The following SLC2A9 variants were observed in gnomAD, a reference collection of about 807,000 sequenced individuals.
SLC2A9 encodes the protein solute carrier family 2 member 9.
In SLC2A9, 39 loss-of-function variants were observed where a neutral mutation model predicts 50.6. The observed-to-expected ratio is 0.77, with a 90% CI of 0.60 to 1.01. SLC2A9 has a LOEUF of 1.01. SLC2A9 is among the 50% of genes least tolerant of loss of function. The pLI is 0.00. For synonymous variants in SLC2A9, 324 were observed against 276.9 expected, an observed-to-expected ratio of 1.17 and a Z score of -1.69; for missense variants, 686 against 677.6, an observed-to-expected ratio of 1.01 and a Z score of -0.14.
chr4:9,848,774 G>A (rs1254465815), intron 10 of SLC2A9, among the ~76,000 whole-genome samples: 2 of 148,582 alleles, frequency 1.3e-5, no homozygotes, highest in South Asian at 2.1e-4. Context: ...GCACGATCTC[G>A]GCTCACTGCA....
At chr4:9,959,366 T>C (rs1751858870) in intron 5 of SLC2A9, among the ~76,000 whole-genome samples, 1 of 147,440 alleles carries the variant, frequency 6.8e-6, no homozygotes. Flanking sequence ...CACTGCACTC[T>C]AGCCTCGGAG....
chr4:9,974,942 G>C (rs1476389459), intron 5 of SLC2A9, among the ~76,000 whole-genome samples: 1 of 152,114 alleles, frequency 6.6e-6, no homozygotes, highest in Non-Finnish European at 1.5e-5. Context: ...GAACACAGAA[G>C]TAAAGCTGTA....
At position 10,028,546 on chromosome 4, in the gene SLC2A9, C is replaced by T. The variant is rs979156904; in HGVS notation, c.-40-2540G>A. Reference sequence around the variant, plus strand: ...TGCATCACAGGAAGGACAACATTATCCCTGCATAGAGACCAATAATAATGC... The same window carrying T: ...TGCATCACAGGAAGGACAACATTATTCCTGCATAGAGACCAATAATAATGC... On this transcript the variant is annotated intron_variant, in intron 1 of 12. Transcript: ENST00000309065. Among the ~76,000 whole-genome samples the T allele has an allele frequency of 2.0e-5, 3 of 150,014 alleles. 1 individual carries two copies. Among genetic ancestry groups the T allele is most frequent in the African/African-American group, 7.4e-5 (3 of 40,404 alleles).
In SLC2A9 at chr4:9,806,250, C is replaced by T. The variant is rs78600518; in HGVS notation, n.421-7009G>A. Among the ~76,000 whole-genome samples, 887 of 152,298 alleles carry T rather than the reference C, an allele frequency of 5.8e-3. 8 individuals carry two copies. Among genetic ancestry groups the T allele is most frequent in the African/African-American group, 0.02 (826 of 41,550 alleles). On this transcript the variant is annotated intron_variant and non_coding_transcript_variant, in intron 3 of 3. Coordinates refer to the SLC2A9 transcript ENST00000503280. ...CCCACACTGAAAGTTGTCGGTTTAC[C>T]GGAATGAGGTCAAGGAACACTTGGT...
At chr4:9,937,987 TCA>T (rs1308545008) in intron 6 of SLC2A9, among the ~76,000 whole-genome samples, 1 of 152,258 alleles carries the variant, frequency 6.6e-6, no homozygotes, top group African/African-American at 2.4e-5. Flanking sequence ...ACTTCTGTGA[TCA>T]CACAGATTCT....
intron 1 of SLC2A9, among the ~76,000 whole-genome samples, chr4:10,032,118 C>G (rs1381259326): frequency 6.6e-6 from 1 of 152,218 alleles, no homozygotes; most frequent in Non-Finnish European, 1.5e-5. Context: ...CCATCTCCAG[C>G]TCCTCACACC....
chr4:9,980,681 G>A lies in SLC2A9; in HGVS notation c.592C>T (p.Arg198Cys), dbSNP rs121908322. The change falls in exon 5 of 12, where the codon CGT becomes TGT. Residue 198 changes from arginine (R) to cysteine (C), a missense_variant. Arg to Cys is a radical substitution (Grantham distance 180). Coordinates refer to ENST00000264784, the MANE Select transcript of SLC2A9 (RefSeq NM_020041.3). ...YLSEISPKEI[R>C]GSLGQVTAIF... The stretch of plus-strand genomic sequence containing the variant: ...GCAGTCACCTGCCCCAGAGAGCCAC[G>A]GATCTCCTTGGGTGAGATCTCACTA... The A allele has an allele frequency of 2.3e-5, 37 of 1,614,136 alleles. No individual in the cohort carries two copies. The highest frequency in any genetic ancestry group is 8.9e-5 in the East Asian group (4 of 44,862).
chr4:9,883,326 T>C (rs1446184568), intron 10 of SLC2A9, among the ~76,000 whole-genome samples: 2 of 152,200 alleles, frequency 1.3e-5, no homozygotes, highest in African/African-American at 2.4e-5. Flanking sequence ...TCCAGGGTAG[T>C]GTGTAGAGGT....
intron 3 of SLC2A9, among the ~76,000 whole-genome samples, chr4:9,818,062 T>A (rs1427464526): frequency 6.6e-6 from 1 of 152,214 alleles, no homozygotes; most frequent in Admixed American, 6.5e-5. Flanking sequence ...GGATTATAGG[T>A]TCACTAGTCA....
chr4:9,951,816 G>A (rs1333133420), intron 5 of SLC2A9, among the ~76,000 whole-genome samples: 1 of 152,216 alleles, frequency 6.6e-6, no homozygotes, highest in Non-Finnish European at 1.5e-5. Context: ...TCTTTAAAAA[G>A]CTTGAAAAGT....
chr4:9,891,299 C>T (rs895790413), intron 8 of SLC2A9, among the ~76,000 whole-genome samples: 3 of 152,170 alleles, frequency 2.0e-5, no homozygotes, highest in Non-Finnish European at 4.4e-5. Context: ...TCTGGCTGGC[C>T]CCTGTGCCCC....
chr4:9,846,205 G>C (rs1161141623), intron 10 of SLC2A9, among the ~76,000 whole-genome samples: 2 of 152,174 alleles, frequency 1.3e-5, no homozygotes, highest in Non-Finnish European at 2.9e-5. Context: ...AGAGACATTT[G>C]AGAATTTGAA....
At chr4:10,027,786 T>C (rs1371700478) in intron 1 of SLC2A9, among the ~76,000 whole-genome samples, 1 of 152,166 alleles carries the variant, frequency 6.6e-6, no homozygotes, top group African/African-American at 2.4e-5. Flanking sequence ...GATACATTTG[T>C]ATAATGAAAA....
intron 2 of SLC2A9, among the ~76,000 whole-genome samples, chr4:10,007,371 T>C (rs1021831439): frequency 6.6e-6 from 1 of 152,222 alleles, no homozygotes; most frequent in Non-Finnish European, 1.5e-5. Flanking sequence ...GACTATTTTG[T>C]TCCCACAGTT....
downstream of SLC2A9, among the ~76,000 whole-genome samples, chr4:9,823,434 T>C (rs1045037394): frequency 6.6e-6 from 1 of 152,194 alleles, no homozygotes; most frequent in Non-Finnish European, 1.5e-5. Flanking sequence ...AAAACAACTT[T>C]TTTTTGTGTC....
Position 10,016,579 on chromosome 4 carries a change from AACGG to A in SLC2A9, c.249+2392_249+2395del, listed in dbSNP as rs1196628147. On this transcript the variant is annotated intron_variant, in intron 2 of 11. Transcript: ENST00000264784. ...GATCTTCAGAAATCTCCTTTCCCGAAACGGAGGGAGGGCACGTTAAACTCTCTCT... is the reference window on the plus strand; with the variant it reads ...GATCTTCAGAAATCTCCTTTCCCGAAAGGGAGGGCACGTTAAACTCTCTCT... 3.3e-5 allele frequency among the ~76,000 whole-genome samples: 5 copies of A among 151,922 alleles called. No individual in the cohort carries two copies. The East Asian group carries it at 9.6e-4, about 29-fold the overall frequency.
intron 3 of SLC2A9, among the ~76,000 whole-genome samples, chr4:9,811,981 A>G (rs1330129407): frequency 6.6e-6 from 1 of 152,226 alleles, no homozygotes; most frequent in Non-Finnish European, 1.5e-5. Flanking sequence ...CCTGCTGTAC[A>G]TTAGCCTTAC....
intron 2 of SLC2A9, among the ~76,000 whole-genome samples, chr4:10,004,850 C>T (rs758545464): frequency 6.6e-6 from 1 of 152,170 alleles, no homozygotes; most frequent in Non-Finnish European, 1.5e-5. Context: ...TGGGAGAACT[C>T]GATCCTGTTT....
chr4:10,007,620 CA>C (rs1486839329), intron 2 of SLC2A9, among the ~76,000 whole-genome samples: 1 of 152,230 alleles, frequency 6.6e-6, no homozygotes, highest in Non-Finnish European at 1.5e-5. Flanking sequence ...TATTCAATCA[CA>C]GTCCTGAGCC....
Sources: allele counts gnomAD v4.1 joint callset (sites outside exome capture counted in the v4.1 genomes callset), GRCh38; gene constraint gnomAD v4.1.1; transcripts MANE v1.5; gene names NCBI Gene and HGNC (gene_info 2026-07-23, HGNC 2026-07-21).